C2orf76: variants seen among roughly 807,000 people sequenced by gnomAD.
The protein encoded by C2orf76 is UPF0538 protein C2orf76.
In C2orf76, 23 loss-of-function variants were observed where a neutral mutation model predicts 16.9. That is an observed-to-expected ratio of 1.36 (90% CI 0.98 to 1.93). C2orf76 has a LOEUF of 1.93. Among genes scored for constraint, C2orf76 ranks in the 30% most tolerant of loss-of-function variants. C2orf76 has a pLI of 0.00. For synonymous variants in C2orf76, 48 were observed against 52.3 expected, an observed-to-expected ratio of 0.92 and a Z score of 0.35; for missense variants, 152 against 152.6, an observed-to-expected ratio of 1.00 and a Z score of 0.02.
chr2:119,301,355 A>G (rs994451150), downstream of C2orf76, among the ~76,000 whole-genome samples: 4 of 152,224 alleles, frequency 2.6e-5, no homozygotes, highest in South Asian at 2.1e-4. Context: ...GCATCTTCTA[A>G]TCATGTTAAT....
chr2:119,300,116 A>G (rs1263471674), downstream of C2orf76, among the ~76,000 whole-genome samples: 2 of 152,190 alleles, frequency 1.3e-5, no homozygotes, highest in Non-Finnish European at 2.9e-5. Context: ...CATTCTCTTG[A>G]GCAAATAACT....
chr2:119,310,878 A>C (rs1678962257), intron 5 of C2orf76, among the ~76,000 whole-genome samples: 1 of 152,168 alleles, frequency 6.6e-6, no homozygotes, highest in South Asian at 2.1e-4. Flanking sequence ...TGTCTCAAAA[A>C]ATAAATAAAT....
chr2:119,300,289 C>T (rs2166506), downstream of C2orf76, among the ~76,000 whole-genome samples: 108,418 of 152,144 alleles, frequency 0.71, 39,637 homozygotes, highest in African/African-American at 0.89. Flanking sequence ...CCCAATCCTC[C>T]TCTTCCCCTC....
At chr2:119,282,559 G>C in the C2orf76 span, among the ~76,000 whole-genome samples, 5 of 152,174 alleles carry the variant, frequency 3.3e-5, no homozygotes, top group Non-Finnish European at 7.3e-5. Context: ...TTGGCATCTT[G>C]GTGCCTCCAA....
intron 2 of C2orf76, among the ~76,000 whole-genome samples, chr2:119,337,054 TATTTATTTA>T (rs1235788391): frequency 9.7e-6 from 1 of 102,824 alleles, no homozygotes; most frequent in African/African-American, 3.7e-5. Flanking sequence ...TTTATTTATT[TATTTATTTA>T]TTTATTTTTT....
chr2:119,294,335 C>A, the C2orf76 span, among the ~76,000 whole-genome samples: 14 of 152,220 alleles, frequency 9.2e-5, no homozygotes, highest in Admixed American at 4.6e-4. Flanking sequence ...GAGTGCTGGA[C>A]GGAAGCCCTC....
intron 2 of C2orf76, 140 bp downstream of exon 2, chr2:119,339,687 C>T (rs1295354496): frequency 1.1e-5 from 9 of 826,988 alleles, no homozygotes; most frequent in Admixed American, 5.4e-5. Flanking sequence ...GGCCCAGAAC[C>T]GGGGCTCGCC....
rs549519416 is a variant in C2orf76, at chr2:119,310,118, CT to C, written c.304+1503del. 1.6e-4 allele frequency among the ~76,000 whole-genome samples: 25 copies of C among 152,194 alleles called. No individual in the cohort carries two copies. The East Asian group carries it at 4.8e-3, about 29-fold the overall frequency. On this transcript the variant is annotated intron_variant, in intron 5 of 5. Transcript: ENST00000334816. The stretch of plus-strand genomic sequence containing the variant: ...CTTTATCATCCTGTGAAATATTACC[CT>C]TTTTTTCATTTTTGGATTCTCCAGT...
At chr2:119,343,529 A>G (rs1680103160) in intron 1 of C2orf76, among the ~76,000 whole-genome samples, 1 of 151,794 alleles carries the variant, frequency 6.6e-6, no homozygotes, top group South Asian at 2.1e-4. Context: ...GAAGCGCTGG[A>G]ATGCAGCCCA....
the C2orf76 span, among the ~76,000 whole-genome samples, chr2:119,297,122 G>A: frequency 2.3e-4 from 35 of 152,328 alleles, no homozygotes; most frequent in South Asian, 1.2e-3. Context: ...GGCTCTGTCC[G>A]TAAGTGCCTT....
chr2:119,281,533 GA>G, the C2orf76 span, among the ~76,000 whole-genome samples: 1 of 151,986 alleles, frequency 6.6e-6, no homozygotes, highest in African/African-American at 2.4e-5. Flanking sequence ...GAGAGAGAGA[GA>G]GAGAATGAGA....
intron 1 of C2orf76, among the ~76,000 whole-genome samples, chr2:119,343,826 A>G (rs1680115028): frequency 6.6e-6 from 1 of 152,200 alleles, no homozygotes; most frequent in African/African-American, 2.4e-5. Context: ...AATTTAAGAA[A>G]TTAACATACA....
intron 2 of C2orf76, among the ~76,000 whole-genome samples, chr2:119,327,844 A>G (rs1263970044): frequency 4.6e-5 from 7 of 152,162 alleles, no homozygotes; most frequent in African/African-American, 1.7e-4. Context: ...TAACAGAGTC[A>G]TAATGTATTA....
chr2:119,354,603 T>C (rs1680511015), intron 1 of C2orf76, among the ~76,000 whole-genome samples: 4 of 152,246 alleles, frequency 2.6e-5, no homozygotes, highest in Admixed American at 2.6e-4. Flanking sequence ...TGAAAACTTC[T>C]TGGCATTTTT....
the C2orf76 span, among the ~76,000 whole-genome samples, chr2:119,285,312 T>C: frequency 1.3e-5 from 2 of 152,306 alleles, no homozygotes; most frequent in East Asian, 3.9e-4. Flanking sequence ...CCAAATTCCT[T>C]CCTTATTTTT....
At chr2:119,294,435 G>C in the C2orf76 span, among the ~76,000 whole-genome samples, 53 of 152,252 alleles carry the variant, frequency 3.5e-4, no homozygotes, top group African/African-American at 1.2e-3. Flanking sequence ...TCGGAAGGGA[G>C]AGCTGTCCGT....
At chr2:119,366,701 G>A (rs3795890) in intron 1 of C2orf76, 89 bp downstream of exon 1, 50,966 of 490,052 alleles carry the variant, frequency 0.1, 3,118 homozygotes, top group African/African-American at 0.19. Context: ...CTTCCCCCGC[G>A]TGCCGTCCCC....
At chr2:119,307,917 C>A (rs1429274282) in intron 5 of C2orf76, among the ~76,000 whole-genome samples, 1 of 152,204 alleles carries the variant, frequency 6.6e-6, no homozygotes, top group Admixed American at 6.5e-5. Flanking sequence ...CCAAACAAAG[C>A]AGTTGTTCCT....
intron 1 of C2orf76, among the ~76,000 whole-genome samples, chr2:119,346,913 G>T (rs184220791): frequency 4.3e-4 from 66 of 152,310 alleles, no homozygotes; most frequent in South Asian, 1.0e-3. Context: ...TGTTGCCAAT[G>T]GGGGAAAGTG....
Sources: allele counts gnomAD v4.1 joint callset (sites outside exome capture counted in the v4.1 genomes callset), GRCh38; gene constraint gnomAD v4.1.1; transcripts MANE v1.5; gene names NCBI Gene and HGNC (gene_info 2026-07-23, HGNC 2026-07-21).